Variants in KIAA1549L observed in about 807,000 individuals in gnomAD.
KIAA1549L encodes KIAA1549 like, also known as UPF0606 protein KIAA1549L.
Under a neutral mutation model 160.7 loss-of-function variants are expected in KIAA1549L, and 88 were observed. That is an observed-to-expected ratio of 0.55 (90% CI 0.46 to 0.65). The LOEUF (loss-of-function observed/expected upper bound fraction) is 0.65. KIAA1549L is among the 30% of genes least tolerant of loss of function. The pLI, the probability that KIAA1549L is intolerant of heterozygous loss-of-function variation, is 0.00. For missense variants in KIAA1549L, 2,258 were observed against 2,437.5 expected (o/e 0.93, Z 1.55); for synonymous variants, 950 against 976.7 (o/e 0.97, Z 0.51).
intron 1 of KIAA1549L, among the ~76,000 whole-genome samples, chr11:33,398,441 T>G (rs1850430892): frequency 3.3e-5 from 5 of 152,122 alleles, no homozygotes; most frequent in Admixed American, 2.6e-4. Context: ...GATCAGTGGA[T>G]CTATCCCATA....
chr11:33,569,502 TAA>T (rs1287255841), intron 9 of KIAA1549L, among the ~76,000 whole-genome samples: 2 of 152,088 alleles, frequency 1.3e-5, no homozygotes, highest in Non-Finnish European at 2.9e-5. Flanking sequence ...TCACACTGTC[TAA>T]GAGTAAGCAT....
intron 16 of KIAA1549L, among the ~76,000 whole-genome samples, chr11:33,631,624 G>A (rs1851292057): frequency 6.6e-6 from 1 of 152,206 alleles, no homozygotes. Flanking sequence ...GCTCCTGGCT[G>A]AGAACTACTG....
chr11:33,409,024 G>C (rs1850733168), intron 1 of KIAA1549L, among the ~76,000 whole-genome samples: 1 of 151,798 alleles, frequency 6.6e-6, no homozygotes, highest in South Asian at 2.1e-4. Flanking sequence ...CTTGTGTGGG[G>C]AAATATTCCT....
At chr11:33,453,429 T>C (rs1274535873) in intron 1 of KIAA1549L, among the ~76,000 whole-genome samples, 1 of 152,174 alleles carries the variant, frequency 6.6e-6, no homozygotes, top group Non-Finnish European at 1.5e-5. Context: ...ATGTGGCTGC[T>C]TATACAAGAG....
intron 1 of KIAA1549L, among the ~76,000 whole-genome samples, chr11:33,468,293 A>G (rs1179375139): frequency 6.6e-6 from 1 of 152,214 alleles, no homozygotes; most frequent in Non-Finnish European, 1.5e-5. Flanking sequence ...ATGGCACCAA[A>G]GTTTCTCTGT....
chr11:33,634,346 G>A (rs1361871960), intron 16 of KIAA1549L, among the ~76,000 whole-genome samples: 1 of 152,068 alleles, frequency 6.6e-6, no homozygotes, highest in East Asian at 1.9e-4. Flanking sequence ...CCCGGCCTGC[G>A]CTTACTGCTC....
intron 1 of KIAA1549L, among the ~76,000 whole-genome samples, chr11:33,413,739 G>A (rs1206752640): frequency 1.3e-5 from 2 of 152,146 alleles, no homozygotes; most frequent in African/African-American, 4.8e-5. Context: ...AACAAAGAAA[G>A]TGACAATTAT....
chr11:33,413,646 G>A (rs1351286639), intron 1 of KIAA1549L, among the ~76,000 whole-genome samples: 2 of 152,038 alleles, frequency 1.3e-5, no homozygotes, highest in Non-Finnish European at 2.9e-5. Context: ...TACAGTCTAT[G>A]TAATTAATTA....
intron 1 of KIAA1549L, among the ~76,000 whole-genome samples, chr11:33,434,078 C>A (rs1242102521): frequency 6.8e-6 from 1 of 147,428 alleles, no homozygotes; most frequent in African/African-American, 2.5e-5. Context: ...TAAAGCCCCC[C>A]CCGCCACCAA....
intron 20 of KIAA1549L, among the ~76,000 whole-genome samples, chr11:33,664,938 C>T (rs958040057): frequency 3.9e-5 from 6 of 152,154 alleles, no homozygotes; most frequent in East Asian, 1.9e-4. Context: ...ACATTGAAAA[C>T]GGGTAGATCA....
intron 16 of KIAA1549L, among the ~76,000 whole-genome samples, chr11:33,632,152 G>A (rs7947399): frequency 0.034 from 5,174 of 152,262 alleles, 211 homozygotes; most frequent in East Asian, 0.19. Context: ...AATTGTTTAC[G>A]GTAAATCCAG....
intron 1 of KIAA1549L, among the ~76,000 whole-genome samples, chr11:33,453,663 C>T (rs896080356): frequency 2.6e-5 from 4 of 152,178 alleles, no homozygotes; most frequent in Admixed American, 2.6e-4. Flanking sequence ...CTGATCATAT[C>T]ATGAATATAA....
At position 33,544,003 on chromosome 11, in the gene KIAA1549L, C is replaced by G; in HGVS notation, c.2440C>G (p.Gln814Glu). 1.2e-6 allele frequency: 2 copies of G among 1,613,996 alleles called. No individual in the cohort carries two copies. The highest frequency in any genetic ancestry group is 1.7e-6 in the Non-Finnish European group (2 of 1,179,896). ...TSNNNHSRDF[Q>E]TAEVAYYSPT... ...CAATAACAACCATTCCAGAGACTTC[C>G]AAACAGCTGAAGTTGCATATTACTC... is the stretch of plus-strand genomic sequence containing the variant. Residue 814 changes from glutamine (Q) to glutamate (E), a missense_variant, in exon 2 of 21, where the codon CAA becomes GAA. Transcript: ENST00000658780.
rs190361876 is a variant in KIAA1549L, at chr11:33,585,290, G to A, written c.4566+1789G>A. 5.0e-3 allele frequency among the ~76,000 whole-genome samples: 763 copies of A among 152,224 alleles called. 6 individuals carry two copies. The highest frequency in any genetic ancestry group is 0.018 in the African/African-American group (735 of 41,532). On this transcript the variant is annotated intron_variant, in intron 11 of 20. Coordinates refer to ENST00000658780, the MANE Select transcript of KIAA1549L (RefSeq NM_012194.3). ...TCCCAGCATTTTGGGAGGCCGAGGC[G>A]GGCGGATCACCTGAGATCAGGAGTT...
chr11:33,402,148 C>CT (rs1696996158), intron 1 of KIAA1549L, among the ~76,000 whole-genome samples: 1 of 152,216 alleles, frequency 6.6e-6, no homozygotes, highest in Admixed American at 6.5e-5. Context: ...GACACTTCAG[C>CT]TAGGTGGTCT....
Position 33,506,685 on chromosome 11 carries a change from T to C in KIAA1549L, c.239-35117T>C, listed in dbSNP as rs144967151. ...GAGCTATGAGTGCATCACTGCACTC[T>C]AGCCCGGGTGACAGAATAACACCTT... On this transcript the variant is annotated intron_variant, in intron 1 of 20. Transcript: ENST00000658780. Among the ~76,000 whole-genome samples the C allele has an allele frequency of 1.3e-3, 190 of 144,238 alleles. 4 individuals are homozygous for C. Among genetic ancestry groups the C allele is most frequent in the African/African-American group, 4.7e-3 (183 of 38,976 alleles). The allele number at this position is 144,238 out of a possible 152,430, so 94.6% of individuals were successfully genotyped here. A position where few individuals can be genotyped will look rare whatever the true frequency, so the allele number is the denominator to read the frequency against.
chr11:33,442,608 T>A (rs183428814), intron 1 of KIAA1549L, among the ~76,000 whole-genome samples: 101 of 152,368 alleles, frequency 6.6e-4, no homozygotes, highest in African/African-American at 2.3e-3. Flanking sequence ...TTTTGCTTTC[T>A]TCAGTTTCAC....
In KIAA1549L at chr11:33,583,318, C is replaced by T. The variant is rs1239348488; in HGVS notation, c.4403-20C>T. The T allele has an allele frequency of 1.3e-6, 2 of 1,589,650 alleles. No homozygotes were observed. Among genetic ancestry groups the T allele is most frequent in the Non-Finnish European group, 1.7e-6 (2 of 1,167,800 alleles). ...CCCAGTGTTGCTTGTCATGTCCCTCCTGCTGGCTCTTTCCCACAGCCGTGG... is the reference window on the plus strand; with the variant it reads ...CCCAGTGTTGCTTGTCATGTCCCTCTTGCTGGCTCTTTCCCACAGCCGTGG... On this transcript the variant is annotated intron_variant, in intron 10 of 20. Transcript: ENST00000658780.
intron 17 of KIAA1549L, among the ~76,000 whole-genome samples, chr11:33,653,996 G>A (rs977150360): frequency 5.4e-5 from 8 of 149,088 alleles, no homozygotes; most frequent in East Asian, 2.0e-4. Context: ...ATTTTTAGAC[G>A]GAGTCTTGCT....
Sources: allele counts gnomAD v4.1 joint callset (sites outside exome capture counted in the v4.1 genomes callset), GRCh38; gene constraint gnomAD v4.1.1; transcripts MANE v1.5; gene names NCBI Gene and HGNC (gene_info 2026-07-23, HGNC 2026-07-21).